Variants in HRNR observed in about 807,000 individuals in gnomAD.
The protein encoded by HRNR is filaggrin family member 3.
A neutral mutation model predicts 4.8 loss-of-function variants in HRNR; 7 were observed. That is an observed-to-expected ratio of 1.47 (90% CI 0.83 to 2.75). The LOEUF is 2.75. Ranked by LOEUF, HRNR falls within the 30% of genes most tolerant of loss-of-function variation. HRNR has a pLI of 0.00. For synonymous variants in HRNR, 1,023 were observed against 1,242.7 expected (o/e 0.82, Z 3.72); for missense variants, 2,879 against 3,010.4 (o/e 0.96, Z 1.02).
intron 2 of HRNR, among the ~76,000 whole-genome samples, chr1:152,222,768 G>A (rs1049887285): frequency 6.6e-6 from 1 of 152,192 alleles, no homozygotes. Context: ...TTTTAAGGTG[G>A]TGGACACATT....
chr1:152,212,990 G>C lies in HRNR; in HGVS notation c.*86C>G. 4 of 1,516,796 alleles carry C rather than the reference G, an allele frequency of 2.6e-6. No homozygotes were observed. The highest frequency in any genetic ancestry group is 2.7e-5 in the South Asian group (2 of 74,966). 94.0% of individuals were successfully genotyped at this position (1,516,796 alleles called of 1,614,324 possible). The stretch of plus-strand genomic sequence containing the variant: ...CACTTTTAGAACGAATTTCATGATG[G>C]ATTGCTTGTCTTTCATGATGAATTC... On this transcript the variant is annotated 3_prime_UTR_variant, in exon 3 of 3. Coordinates refer to ENST00000368801, the MANE Select transcript of HRNR (RefSeq NM_001009931.3).
Position 152,219,428 on chromosome 1 carries a change from C to G in HRNR, c.2201G>C (p.Gly734Ala), listed in dbSNP as rs746789652. The G allele has an allele frequency of 9.9e-6, 16 of 1,613,964 alleles. No individual in the cohort carries two copies. In the Admixed American group the frequency reaches 2.2e-4, roughly 22 times the overall value. Residue 734 changes from glycine to alanine, a missense_variant, in exon 3 of 3, where the codon GGA (glycine) becomes GCA (alanine). Gly to Ala is a moderately conservative substitution (Grantham distance 60). Coordinates refer to ENST00000368801, the MANE Select transcript of HRNR (RefSeq NM_001009931.3). ...GTGTTGTTCACTCCTAGATGACTGTCCTGACCTAGAGCCGTGTTTTCTGTA... is the reference window on the plus strand; with the variant it reads ...GTGTTGTTCACTCCTAGATGACTGTGCTGACCTAGAGCCGTGTTTTCTGTA... ...SGYRKHGSRS[G>A]QSSRSEQHGS...
chr1:152,219,192 G>T lies in HRNR; in HGVS notation c.2437C>A (p.Gln813Lys), dbSNP rs377438781. 6.2e-7 allele frequency: 1 copy of T among 1,613,946 alleles called. No homozygotes were observed. The highest frequency in any genetic ancestry group is 8.5e-7 in the Non-Finnish European group (1 of 1,179,992). ...TCGTGTTGCCCAAAACCAGAAGCCT[G>T]GCCTGAGCCAGACTCATAATGGCCA... ...SCGHYESGSG[Q>K]ASGFGQHESG... is the part of the protein sequence containing the mutation. Residue 813 changes from glutamine to lysine, a missense_variant, in exon 3 of 3, where the codon CAG (glutamine) becomes AAG (lysine). Physicochemically the swap from Gln to Lys is moderately conservative, Grantham distance 53. This residue lies in a region of HRNR where 2,646 missense variants were observed against 1,377.7 expected (regional missense o/e 1.92). Transcript: ENST00000368801.
chr1:152,219,536 G>T lies in HRNR; in HGVS notation c.2093C>A (p.Ser698Tyr). ...NGPHGSVSGQ[S>Y]SGFGHKSGSG... ...GCCAGACTTGTGACCAAAGCCGGAAGACTGGCCTGAGACAGACCCATGTGG... is the reference window on the plus strand; with the variant it reads ...GCCAGACTTGTGACCAAAGCCGGAATACTGGCCTGAGACAGACCCATGTGG... Residue 698 changes from serine to tyrosine, a missense_variant, in exon 3 of 3, where the codon TCT becomes TAT. Around this residue, in one of 8 missense-constraint regions of HRNR, gnomAD observed 2,646 missense variants for 1,377.7 expected, o/e 1.92. Coordinates refer to ENST00000368801, the MANE Select transcript of HRNR (RefSeq NM_001009931.3). The T allele has an allele frequency of 3.7e-6, 6 of 1,613,936 alleles. No individual in the cohort carries two copies. The highest frequency in any genetic ancestry group is 5.1e-6 in the Non-Finnish European group (6 of 1,180,008).
rs939023255 is a variant in HRNR at position 152,212,919 on chromosome 1, T to G, written c.*157A>C. On this transcript the variant is annotated 3_prime_UTR_variant, in exon 3 of 3. Coordinates refer to ENST00000368801, the MANE Select transcript of HRNR (RefSeq NM_001009931.3). Reference sequence around the variant, plus strand: ...GGAAGGAACCCCATAACAAGATATATGCTACAGTTTTAGGCTCTAAAGAAA... The same window carrying G: ...GGAAGGAACCCCATAACAAGATATAGGCTACAGTTTTAGGCTCTAAAGAAA... 7 of 995,098 alleles carry G rather than the reference T, an allele frequency of 7.0e-6. No individual in the cohort carries two copies. The highest frequency in any genetic ancestry group is 1.0e-5 in the Non-Finnish European group (7 of 692,812). 61.6% of individuals were successfully genotyped at this position (995,098 alleles called of 1,614,324 possible).
chr1:152,223,310 T>A lies in HRNR; in HGVS notation c.-25-32A>T, dbSNP rs113361846. Reference sequence around the variant, plus strand: ...GGAGGAAAAAGAGAGACCAACCCCTTACTATTCTTATTTCTTGTTTAAACA... The same window carrying A: ...GGAGGAAAAAGAGAGACCAACCCCTAACTATTCTTATTTCTTGTTTAAACA... On this transcript the variant is annotated intron_variant, in intron 1 of 2. Coordinates refer to ENST00000368801, the MANE Select transcript of HRNR (RefSeq NM_001009931.3). The A allele has an allele frequency of 1.3e-3, 1,716 of 1,334,108 alleles. 24 individuals are homozygous for A. The African/African-American group carries it at 0.021, about 16-fold the overall frequency. 82.6% of individuals were successfully genotyped at this position (1,334,108 alleles called of 1,614,324 possible). A position where few individuals can be genotyped will look rare whatever the true frequency, so the allele number is the denominator to read the frequency against.
rs779789225 is a variant in HRNR at position 152,219,790 on chromosome 1, A to G, written c.1839T>C (p.His613=). 9.9e-6 allele frequency: 16 copies of G among 1,611,646 alleles called. No homozygotes were observed. Among genetic ancestry groups the G allele is most frequent in the Admixed American group, 3.3e-5 (2 of 59,872 alleles). Residue 613 remains histidine, a synonymous_variant, in exon 3 of 3, where the codon CAT becomes CAC. Transcript: ENST00000368801. ...TCGATGACTGTCCTGATGTAGAACC[A>G]TGTTGCCCATGGGTAGAGGAATGAC... ...SSGHSSTHGQ[H]GSTSGQSSSC...
In HRNR at chr1:152,212,914, A is replaced by T; in HGVS notation, c.*162T>A. On this transcript the variant is annotated 3_prime_UTR_variant, in exon 3 of 3. Coordinates refer to ENST00000368801, the MANE Select transcript of HRNR (RefSeq NM_001009931.3). ...TCTTTGGAAGGAACCCCATAACAAG[A>T]TATATGCTACAGTTTTAGGCTCTAA... is the stretch of plus-strand genomic sequence containing the variant. 2.1e-6 allele frequency: 2 copies of T among 954,902 alleles called. No homozygotes were observed. The highest frequency in any genetic ancestry group is 3.0e-6 in the Non-Finnish European group (2 of 657,330). The allele number at this position is 954,902 out of a possible 1,614,324, so 59.2% of individuals were successfully genotyped here. A position where few individuals can be genotyped will look rare whatever the true frequency, so the allele number is the denominator to read the frequency against.
At chr1:152,222,230 T>A (rs977457818) in intron 2 of HRNR, among the ~76,000 whole-genome samples, 4 of 152,134 alleles carry the variant, frequency 2.6e-5, no homozygotes, top group Non-Finnish European at 5.9e-5. Flanking sequence ...CTGAAGGAAA[T>A]TCAGGATTGC....
chr1:152,212,736 C>T lies in HRNR; in HGVS notation c.*340G>A. 7 of 311,382 alleles carry T rather than the reference C, an allele frequency of 2.2e-5. No homozygotes were observed. Among genetic ancestry groups the T allele is most frequent in the Middle Eastern group, 1.0e-3 (1 of 1,002 alleles). 19.3% of individuals were successfully genotyped at this position (311,382 alleles called of 1,614,324 possible). ...AGAAATGTAAGGTTAGCTTTGGCAC[C>T]ATCTATAAATGAATGATGAGCTCTC... On this transcript the variant is annotated 3_prime_UTR_variant, in exon 3 of 3. Transcript: ENST00000368801.
rs532401490 is a variant in HRNR, at chr1:152,212,308, A to C, written c.*768T>G. On this transcript the variant is annotated 3_prime_UTR_variant, in exon 3 of 3. Coordinates refer to ENST00000368801, the MANE Select transcript of HRNR (RefSeq NM_001009931.3). ...GAATAACTCCTCAATATATTTCCCA[A>C]TATTGAGCAGCCTCTTAGAAATAGG... 6.6e-6 allele frequency: 1 copy of C among 152,212 alleles called. No individual in the cohort carries two copies. The highest frequency in any genetic ancestry group is 1.5e-5 in the Non-Finnish European group (1 of 68,058). The allele number at this position is 152,212 out of a possible 1,614,324, so 9.4% of individuals were successfully genotyped here.
At position 152,219,984 on chromosome 1, in the gene HRNR, C is replaced by T; in HGVS notation, c.1645G>A (p.Glu549Lys). Residue 549 changes from glutamate (E) to lysine (K), a missense_variant, in exon 3 of 3, where the codon GAG (glutamate) becomes AAG (lysine). Physicochemically the swap from Glu to Lys is moderately conservative, Grantham distance 56. Coordinates refer to ENST00000368801, the MANE Select transcript of HRNR (RefSeq NM_001009931.3). The part of the protein sequence containing the change: ...QSPSPSRGRH[E>K]SGSRQSSSYG... ...CTGGAAGACTGCCTGGAACCAGACT[C>T]ATGTCGGCCACGGCTAGGGCTAGGA... 3 of 1,613,866 alleles carry T rather than the reference C, an allele frequency of 1.9e-6. No individual in the cohort carries two copies. The highest frequency in any genetic ancestry group is 2.5e-6 in the Non-Finnish European group (3 of 1,179,944).
rs1275847818 is a variant in HRNR, at chr1:152,220,720, A to T, written c.909T>A (p.Ser303=). 6.2e-7 allele frequency: 1 copy of T among 1,613,020 alleles called. No homozygotes were observed. The highest frequency in any genetic ancestry group is 8.5e-7 in the Non-Finnish European group (1 of 1,179,484). ...SLGHGRQGSG[S]RQSPSHVRHG... ...GTCGGACGTGGCTAGGAGACTGGCG[A>T]GATCCAGACCCTTGTCGGCCGTGGC... is the stretch of plus-strand genomic sequence containing the variant. Residue 303 remains serine (S), a synonymous_variant, in exon 3 of 3, where the codon TCT becomes TCA. Transcript: ENST00000368801.
chr1:152,219,955 A>T lies in HRNR; in HGVS notation c.1674T>A (p.Tyr558Ter), dbSNP rs1244189064. Reference protein sequence around the residue: ...HESGSRQSSSYGPHGYGSGRS... With the variant: ...HESGSRQSSS ...TCCCTGAGCCATACCCATGTGGGCC[A>T]TAGCTGGAAGACTGCCTGGAACCAG... The change falls in exon 3 of 3, where the codon TAT becomes TAA. Residue 558 changes from tyrosine (Y) to a stop codon, truncating the protein, a stop_gained. Coordinates refer to ENST00000368801, the MANE Select transcript of HRNR (RefSeq NM_001009931.3). LOFTEE classifies it low-confidence loss of function (END_TRUNC). The T allele has an allele frequency of 2.5e-5, 40 of 1,612,310 alleles. No homozygotes were observed. Among genetic ancestry groups the T allele is most frequent in the Non-Finnish European group, 2.9e-5 (34 of 1,179,456 alleles).
Position 152,220,730 on chromosome 1 carries a change from C to G in HRNR, c.899G>C (p.Gly300Ala), listed in dbSNP as rs1340374684. ...SRQSLGHGRQ[G>A]SGSRQSPSHV... is the part of the protein sequence containing the mutation. ...GCTAGGAGACTGGCGAGATCCAGAC[C>G]CTTGTCGGCCGTGGCCCAAAGACTG... Residue 300 changes from glycine to alanine, a missense_variant, in exon 3 of 3, where the codon GGG becomes GCG. Coordinates refer to ENST00000368801, the MANE Select transcript of HRNR (RefSeq NM_001009931.3). 1 of 1,613,916 alleles carries G rather than the reference C, an allele frequency of 6.2e-7. No homozygotes were observed.
Position 152,220,291 on chromosome 1 carries a change from A to G in HRNR, c.1338T>C (p.Phe446=), listed in dbSNP as rs1364850844. 2 of 1,613,746 alleles carry G rather than the reference A, an allele frequency of 1.2e-6. No homozygotes were observed. Among genetic ancestry groups the G allele is most frequent in the Non-Finnish European group, 8.5e-7 (1 of 1,179,906 alleles). ...SPSSGQHGTG[F]GRSSSSGPYV... ...ATGGGCCACTGCTGGAAGATCGACC[A>G]AAGCCAGTCCCATGTTGGCCGGAGC... The change falls in exon 3 of 3, where the codon TTT becomes TTC. Residue 446 remains phenylalanine (F), a synonymous_variant. Coordinates refer to ENST00000368801, the MANE Select transcript of HRNR (RefSeq NM_001009931.3).
rs958844935 is a variant in HRNR at position 152,221,324 on chromosome 1, C to G, written c.305G>C (p.Arg102Thr). The G allele has an allele frequency of 6.2e-7, 1 of 1,613,970 alleles. No homozygotes were observed. The highest frequency in any genetic ancestry group is 8.5e-7 in the Non-Finnish European group (1 of 1,180,026). ...DYCQVSGSKL[R>T]DDTHQHQEEQ... ...CTCTTGGTGCTGGTGAGTGTCATCT[C>G]TCAGCTTTGACCCTGAAACTTGGCA... The change falls in exon 3 of 3, where the codon AGA becomes ACA. Residue 102 changes from arginine to threonine, a missense_variant. Around this residue, in one of 8 missense-constraint regions of HRNR, gnomAD observed 2,646 missense variants for 1,377.7 expected, o/e 1.92. Coordinates refer to ENST00000368801, the MANE Select transcript of HRNR (RefSeq NM_001009931.3).
rs1648958344 is a variant in HRNR, at chr1:152,220,822, C to G, written c.807G>C (p.Arg269Ser). The change falls in exon 3 of 3, where the codon AGG becomes AGC. Residue 269 changes from arginine to serine, a missense_variant. Physicochemically the swap from Arg to Ser is moderately radical, Grantham distance 110. Transcript: ENST00000368801. ...QHGSRSGQSS[R>S]GERHRSSSGS... is the part of the protein sequence containing the mutation. ...CTGAGCTAGATCTGTGTCGTTCACC[C>G]CTAGATGACTGTCCTGACCTAGAGC... is the stretch of plus-strand genomic sequence containing the variant. 1 of 1,613,334 alleles carries G rather than the reference C, an allele frequency of 6.2e-7. No individual in the cohort carries two copies. The highest frequency in any genetic ancestry group is 8.5e-7 in the Non-Finnish European group (1 of 1,179,820).
chr1:152,222,300 A>T (rs183654958), intron 2 of HRNR, among the ~76,000 whole-genome samples: 1 of 152,342 alleles, frequency 6.6e-6, no homozygotes, highest in African/African-American at 2.4e-5. Context: ...GGACTAGATT[A>T]TGACTTTTAA....
Sources: gnomAD v4.1 joint callset for allele counts (sites outside exome capture counted in the v4.1 genomes callset) on GRCh38, gnomAD v4.1.1 for gene constraint, gnomAD v4.1.1 regional missense constraint, MANE v1.5 for transcripts, NCBI Gene and HGNC (gene_info 2026-07-23, HGNC 2026-07-21) for gene names.